IFI44L: variants seen among roughly 807,000 people sequenced by gnomAD.
The protein encoded by IFI44L is interferon induced protein 44 like.
A neutral mutation model predicts 39.3 loss-of-function variants in IFI44L; 40 were observed. That is an observed-to-expected ratio of 1.02 (90% CI 0.79 to 1.33). IFI44L has a LOEUF of 1.33. IFI44L is among the 40% of genes most tolerant of loss of function. The pLI is 0.00. For missense variants in IFI44L, 623 were observed against 549.0 expected (o/e 1.13, Z -1.35); for synonymous variants, 198 against 182.3 (o/e 1.09, Z -0.69).
intron 1 of IFI44L, among the ~76,000 whole-genome samples, chr1:78,623,389 G>GTTTTTT (rs1222507453): frequency 4.5e-4 from 9 of 19,920 alleles, no homozygotes; most frequent in African/African-American, 5.3e-4. Flanking sequence ...TGGTTTAAGT[G>GTTTTTT]TTTTTTGTTT....
At chr1:78,638,598 T>C (rs992126638) in intron 6 of IFI44L, among the ~76,000 whole-genome samples, 1 of 152,288 alleles carries the variant, frequency 6.6e-6, no homozygotes, top group Non-Finnish European at 1.5e-5. Flanking sequence ...ATTCTGCTTT[T>C]GAGCATAGCT....
At chr1:78,641,206 T>C (rs145429488) in intron 7 of IFI44L, 85 bp downstream of exon 7, 6 of 1,025,254 alleles carry the variant, frequency 5.9e-6, no homozygotes, top group Non-Finnish European at 7.6e-6. Context: ...TGTACGTGTA[T>C]ATGTGCTTAC....
chr1:78,627,132 C>T (rs1652522294), intron 1 of IFI44L: 1 of 152,014 alleles, frequency 6.6e-6, no homozygotes, highest in Non-Finnish European at 1.5e-5. Context: ...CAGAAATGTG[C>T]TCCCAAATGC....
rs1647010992 is a variant in IFI44L at position 78,643,489 on chromosome 1, C to A, written c.*1680C>A. The A allele has an allele frequency of 6.6e-6, 1 of 152,118 alleles. No homozygotes were observed. Among genetic ancestry groups the A allele is most frequent in the South Asian group, 2.1e-4 (1 of 4,826 alleles). 9.4% of individuals were successfully genotyped at this position (152,118 alleles called of 1,614,324 possible). Reference sequence around the variant, plus strand: ...GAGGAAGGTTGAGGAAACCTCAAATCTACCTCCCTGCTGAGTCTAAGTTTA... The same window carrying A: ...GAGGAAGGTTGAGGAAACCTCAAATATACCTCCCTGCTGAGTCTAAGTTTA... On this transcript the variant is annotated 3_prime_UTR_variant, in exon 9 of 9. Coordinates refer to ENST00000370751, the MANE Select transcript of IFI44L (RefSeq NM_006820.4).
intron 5 of IFI44L, 72 bp downstream of exon 5, chr1:78,635,561 A>T: frequency 4.2e-6 from 6 of 1,444,486 alleles, no homozygotes; most frequent in Non-Finnish European, 5.8e-6. Flanking sequence ...TTTTAACCAC[A>T]TAAGGCAATT....
chr1:78,633,103 A>G (rs942554823), intron 4 of IFI44L, among the ~76,000 whole-genome samples: 4 of 152,206 alleles, frequency 2.6e-5, no homozygotes, highest in Admixed American at 6.5e-5. Flanking sequence ...AATAATAACA[A>G]AAGATACATT....
intron 2 of IFI44L, chr1:78,628,708 C>A: frequency 1.9e-6 from 1 of 522,592 alleles, no homozygotes; most frequent in Non-Finnish European, 3.4e-6. Flanking sequence ...ACCCAAAGAT[C>A]AGACCCTTAT....
chr1:78,645,020 C>T lies in IFI44L; in HGVS notation c.*3211C>T, dbSNP rs1232476362. On this transcript the variant is annotated 3_prime_UTR_variant, in exon 9 of 9. Coordinates refer to ENST00000370751, the MANE Select transcript of IFI44L (RefSeq NM_006820.4). The stretch of plus-strand genomic sequence containing the variant: ...AGGCCCAGAGAGACATAAGTATGTT[C>T]CTTTAGTCTTGCTTCCTGTGTGCCA... 6.6e-6 allele frequency: 1 copy of T among 152,102 alleles called. No individual in the cohort carries two copies. The highest frequency in any genetic ancestry group is 1.5e-5 in the Non-Finnish European group (1 of 68,028). The allele number at this position is 152,102 out of a possible 1,614,324, so 9.4% of individuals were successfully genotyped here.
intron 1 of IFI44L, among the ~76,000 whole-genome samples, chr1:78,624,513 A>G (rs2100473447): frequency 6.6e-6 from 1 of 152,272 alleles, no homozygotes; most frequent in East Asian, 1.9e-4. Context: ...ATCCTGGAGA[A>G]CGCTCCTATA....
In IFI44L at chr1:78,634,240, T is replaced by C. The variant is rs555465150; in HGVS notation, c.724-1097T>C. 7.5e-4 allele frequency among the ~76,000 whole-genome samples: 114 copies of C among 152,280 alleles called. 1 individual carries two copies. The highest frequency in any genetic ancestry group is 2.6e-3 in the African/African-American group (110 of 41,570). On this transcript the variant is annotated intron_variant, in intron 4 of 8. Coordinates refer to ENST00000370751, the MANE Select transcript of IFI44L (RefSeq NM_006820.4). ...ACTGAGAGAAAAGTCCCCAGTCAGA[T>C]TTAATCCAAAGAAGATTAACCCAAG...
At chr1:78,628,565 T>C in intron 2 of IFI44L, 172 bp downstream of exon 2, 1 of 585,794 alleles carries the variant, frequency 1.7e-6, no homozygotes, top group Admixed American at 3.3e-5. Flanking sequence ...TATGAGGTTT[T>C]TATCCAGAAC....
At position 78,645,601 on chromosome 1, in the gene IFI44L, A is replaced by G. The variant is rs185873806; in HGVS notation, c.*3792A>G. The G allele has an allele frequency of 3.6e-4, 55 of 152,306 alleles. 1 individual carries two copies. The highest frequency in any genetic ancestry group is 1.3e-3 in the African/African-American group (53 of 41,576). The allele number at this position is 152,306 out of a possible 1,614,324, so 9.4% of individuals were successfully genotyped here. A position where few individuals can be genotyped will look rare whatever the true frequency, so the allele number is the denominator to read the frequency against. ...TAGCAACATAACTCAATCTAATGCT[A>G]AGGTACCCACAAGATGGCAAGGCTG... is the stretch of plus-strand genomic sequence containing the variant. On this transcript the variant is annotated 3_prime_UTR_variant, in exon 9 of 9. Coordinates refer to ENST00000370751, the MANE Select transcript of IFI44L (RefSeq NM_006820.4).
Position 78,643,782 on chromosome 1 carries a change from C to T in IFI44L, c.*1973C>T, listed in dbSNP as rs937888053. The T allele has an allele frequency of 2.0e-5, 3 of 150,890 alleles. No homozygotes were observed. The highest frequency in any genetic ancestry group is 6.6e-5 in the Admixed American group (1 of 15,090). 9.3% of individuals were successfully genotyped at this position (150,890 alleles called of 1,614,324 possible). A position where few individuals can be genotyped will look rare whatever the true frequency, so the allele number is the denominator to read the frequency against. Reference sequence around the variant, plus strand: ...TAGATAGAAACTTGATGTTTCTTAACGTTACATATATTATCTTATAGAAAT... The same window carrying T: ...TAGATAGAAACTTGATGTTTCTTAATGTTACATATATTATCTTATAGAAAT... On this transcript the variant is annotated 3_prime_UTR_variant, in exon 9 of 9. Transcript: ENST00000370751.
At chr1:78,641,669 G>A in intron 8 of IFI44L, 60 bp downstream of exon 8, 3 of 1,609,208 alleles carry the variant, frequency 1.9e-6, no homozygotes, top group Non-Finnish European at 2.6e-6. Context: ...AAAATCCTAA[G>A]TTATACATCA....
chr1:78,638,027 G>A (rs1047430171), intron 6 of IFI44L, among the ~76,000 whole-genome samples: 1 of 152,158 alleles, frequency 6.6e-6, no homozygotes, highest in African/African-American at 2.4e-5. Context: ...ACTCCAGAGG[G>A]ACTGTACCAT....
chr1:78,642,403 TAAG>T lies in IFI44L; in HGVS notation c.*597_*599del, dbSNP rs1646997591. 1.1e-5 allele frequency: 1 copy of T among 92,642 alleles called. No individual in the cohort carries two copies. The highest frequency in any genetic ancestry group is 2.3e-5 in the Non-Finnish European group (1 of 43,158). The allele number at this position is 92,642 out of a possible 1,614,324, so 5.7% of individuals were successfully genotyped here. Reference sequence around the variant, plus strand: ...CCACTGCAAAAAAAAAAAAAAAAAATAAGAAAGAACAAAACAAACCCCACAAAA... The same window carrying T: ...CCACTGCAAAAAAAAAAAAAAAAAATAAAGAACAAAACAAACCCCACAAAA... On this transcript the variant is annotated 3_prime_UTR_variant, in exon 9 of 9. Coordinates refer to ENST00000370751, the MANE Select transcript of IFI44L (RefSeq NM_006820.4).
intron 7 of IFI44L, 107 bp downstream of exon 7, chr1:78,641,228 G>T (rs373321475): frequency 9.9e-6 from 9 of 910,440 alleles, no homozygotes; most frequent in Admixed American, 2.1e-5. Flanking sequence ...GAGTGTATTT[G>T]CAGGGAAATG....
intron 6 of IFI44L, among the ~76,000 whole-genome samples, 183 bp downstream of exon 6, chr1:78,637,386 G>A (rs1652989302): frequency 6.6e-6 from 1 of 152,022 alleles, no homozygotes; most frequent in Non-Finnish European, 1.5e-5. Flanking sequence ...CTAATGTTCA[G>A]TCTTTAAAGA....
chr1:78,644,821 G>A lies in IFI44L; in HGVS notation c.*3012G>A, dbSNP rs1389194945. ...AAGTGAGAGTGATGTTGTGGAGACA[G>A]TTGAAATGTCAATGCTAGAGCCTCT... On this transcript the variant is annotated 3_prime_UTR_variant, in exon 9 of 9. Transcript: ENST00000370751. 1.3e-5 allele frequency: 2 copies of A among 152,222 alleles called. No individual in the cohort carries two copies. Among genetic ancestry groups the A allele is most frequent in the East Asian group, 1.9e-4 (1 of 5,194 alleles). The allele number at this position is 152,222 out of a possible 1,614,324, so 9.4% of individuals were successfully genotyped here.
Sources: gnomAD v4.1 joint callset for allele counts (sites outside exome capture counted in the v4.1 genomes callset) on GRCh38, gnomAD v4.1.1 for gene constraint, MANE v1.5 for transcripts, NCBI Gene and HGNC (gene_info 2026-07-23, HGNC 2026-07-21) for gene names.